Variants in CYBC1 observed in about 807,000 individuals in gnomAD.
The protein encoded by CYBC1 is essential for reactive oxygen species protein.
CYBC1 carries 22 observed loss-of-function variants against 21.7 expected under a neutral mutation model. The ratio of observed to expected loss-of-function variants is 1.02; its 90% confidence interval spans 0.73 to 1.45. The LOEUF (loss-of-function observed/expected upper bound fraction) is 1.45, where lower values mean the gene tolerates loss of function less well. CYBC1 is among the 40% of genes most tolerant of loss of function. The probability of loss-of-function intolerance (pLI) is 0.00; values close to 1 mark genes in which losing one functional copy is unlikely to be tolerated. For synonymous variants in CYBC1, 112 were observed against 98.7 expected, an observed-to-expected ratio of 1.13 and a Z score of -0.80; for missense variants, 237 against 242.1, an observed-to-expected ratio of 0.98 and a Z score of 0.14.
In CYBC1 at chr17:82,447,571, G is replaced by A; in HGVS notation, c.127+9C>T. ...CAGTCATGGGGGGGTGGGGCGGGGG[G>A]TGCTTTACCTCCGCTGTAGTAGGCA... is the stretch of plus-strand genomic sequence containing the variant. On this transcript the variant is annotated intron_variant, in intron 3 of 6. Coordinates refer to ENST00000306645, the MANE Select transcript of CYBC1 (RefSeq NM_001033046.4). 1 of 1,594,880 alleles carries A rather than the reference G, an allele frequency of 6.3e-7. No homozygotes were observed.
chr17:82,444,298 T>G, intron 6 of CYBC1, 149 bp downstream of exon 6: 1 of 1,429,838 alleles, frequency 7.0e-7, no homozygotes, highest in Non-Finnish European at 9.4e-7. Context: ...GGGCTGCCCC[T>G]GAGCCTGCAC....
At chr17:82,447,125 G>A (rs905374101) in intron 3 of CYBC1, 36 of 286,550 alleles carry the variant, frequency 1.3e-4, no homozygotes, top group Non-Finnish European at 1.8e-4. Context: ...AGGCCGAGGC[G>A]GGCGGATCAC....
chr17:82,448,991 CA>C, intron 2 of CYBC1, 178 bp downstream of exon 2: 1 of 579,032 alleles, frequency 1.7e-6, no homozygotes, highest in East Asian at 3.0e-5. Context: ...ACAAAACAGA[CA>C]TGCATTATCT....
In CYBC1 at chr17:82,443,197, C is replaced by G. The variant is rs2054073146; in HGVS notation, c.*807G>C. On this transcript the variant is annotated 3_prime_UTR_variant, in exon 7 of 7. Transcript: ENST00000306645. This position sits in a 1 kb window ranked among gnomAD's most constrained non-coding sequence, Gnocchi z 6.7. ...AAGTGCTGGGATTACTGGCATGAAC[C>G]ACTGCGCCCGGCTGGAGCTCCCGGT... The G allele has an allele frequency of 3.3e-6, 1 of 301,692 alleles. No individual in the cohort carries two copies. The highest frequency in any genetic ancestry group is 6.6e-6 in the Non-Finnish European group (1 of 152,580). The allele number at this position is 301,692 out of a possible 1,614,324, so 18.7% of individuals were successfully genotyped here. A position where few individuals can be genotyped will look rare whatever the true frequency, so the allele number is the denominator to read the frequency against.
rs752876190 is a variant in CYBC1, at chr17:82,449,232, C to G, written c.23G>C (p.Arg8Pro). MYLQVET[R>P]TSSRLHLKRA... ...CTTCAGATGGAGGCGGGAGCTGGTG[C>G]GGGTCTCCACCTGCAGGTACATCCC... The change falls in exon 2 of 7, where the codon CGC becomes CCC. Residue 8 changes from arginine to proline, a missense_variant. Physicochemically the swap from Arg to Pro is moderately radical, Grantham distance 103 (BLOSUM62 -2). Transcript: ENST00000306645. 2 of 1,576,384 alleles carry G rather than the reference C, an allele frequency of 1.3e-6. No individual in the cohort carries two copies. The highest frequency in any genetic ancestry group is 1.9e-5 in the Admixed American group (1 of 53,934).
intron 4 of CYBC1, 90 bp from the exon 5 acceptor site, chr17:82,446,050 GACACTCAAGAA>G: frequency 4.9e-6 from 5 of 1,017,456 alleles, no homozygotes; most frequent in Non-Finnish European, 7.5e-6. Context: ...CACCAGGGTG[GACACTCAAGAA>G]GGGGGGCTGG....
chr17:82,449,409 A>G, intron 1 of CYBC1, 117 bp from the exon 2 acceptor site: 1 of 508,436 alleles, frequency 2.0e-6, no homozygotes, highest in Non-Finnish European at 3.4e-6. Context: ...CTGCAGCCCC[A>G]GACACCATCA....
intron 1 of CYBC1, chr17:82,450,154 C>A (rs1038163229): frequency 6.6e-6 from 1 of 151,966 alleles, no homozygotes; most frequent in Non-Finnish European, 1.5e-5. Flanking sequence ...TGGTGGTGTA[C>A]GCCTGTGGTC....
At chr17:82,444,421 G>A (rs2054154056) in intron 6 of CYBC1, 26 bp downstream of exon 6, 1 of 1,587,240 alleles carries the variant, frequency 6.3e-7, no homozygotes, top group Admixed American at 1.7e-5. Context: ...TGCAGCTCCG[G>A]CCAGATCAAA....
intron 1 of CYBC1, 34 bp downstream of exon 1, chr17:82,450,666 G>A (rs1236517725): frequency 6.6e-6 from 1 of 152,364 alleles, no homozygotes; most frequent in Non-Finnish European, 1.5e-5. Flanking sequence ...GGAGCGGGAA[G>A]GAAGTGCGGA....
In CYBC1 at chr17:82,443,687, G is replaced by A. The variant is rs1234333862; in HGVS notation, c.*317C>T. 1.3e-6 allele frequency: 1 copy of A among 770,158 alleles called. No homozygotes were observed. Among genetic ancestry groups the A allele is most frequent in the Non-Finnish European group, 2.4e-6 (1 of 422,424 alleles). 47.7% of individuals were successfully genotyped at this position (770,158 alleles called of 1,614,324 possible). On this transcript the variant is annotated 3_prime_UTR_variant, in exon 7 of 7. Coordinates refer to ENST00000306645, the MANE Select transcript of CYBC1 (RefSeq NM_001033046.4). This position sits in a 1 kb window ranked among gnomAD's most constrained non-coding sequence, Gnocchi z 6.7. ...AAGTCTGGATGTCCTGGTCTGGCCT[G>A]CTGTTTCATGCAGTGTGCAAGCAGC...
In CYBC1 at chr17:82,443,344, T is replaced by C. The variant is rs117272520; in HGVS notation, c.*660A>G. ...ACGACCGCTGGGGCAGAGTGGTCTA[T>C]GCGCCGAGATCCTGGCATCAGCAAG... On this transcript the variant is annotated 3_prime_UTR_variant, in exon 7 of 7. Coordinates refer to ENST00000306645, the MANE Select transcript of CYBC1 (RefSeq NM_001033046.4). This position sits in a 1 kb window ranked among gnomAD's most constrained non-coding sequence, Gnocchi z 6.7. 12,031 of 434,862 alleles carry C rather than the reference T, an allele frequency of 0.028. 205 individuals carry two copies. The highest frequency in any genetic ancestry group is 0.048 in the Admixed American group (1,424 of 29,484). The allele number at this position is 434,862 out of a possible 1,614,324, so 26.9% of individuals were successfully genotyped here.
In CYBC1 at chr17:82,443,690, G is replaced by GT. The variant is rs2054098280; in HGVS notation, c.*313dup. ...TCTGGATGTCCTGGTCTGGCCTGCT[G>GT]TTTCATGCAGTGTGCAAGCAGCAGC... On this transcript the variant is annotated 3_prime_UTR_variant, in exon 7 of 7. Coordinates refer to ENST00000306645, the MANE Select transcript of CYBC1 (RefSeq NM_001033046.4). This position sits in a 1 kb window ranked among gnomAD's most constrained non-coding sequence, Gnocchi z 6.7. 2 of 770,996 alleles carry GT rather than the reference G, an allele frequency of 2.6e-6. 1 individual carries two copies. Among genetic ancestry groups the GT allele is most frequent in the South Asian group, 2.7e-5 (2 of 74,704 alleles). 47.8% of individuals were successfully genotyped at this position (770,996 alleles called of 1,614,324 possible).
intron 5 of CYBC1, chr17:82,445,593 G>A (rs1185903994): frequency 2.8e-6 from 1 of 360,600 alleles, no homozygotes; most frequent in South Asian, 3.0e-5. Flanking sequence ...CCAGACCCCT[G>A]CTCCTCAGAC....
At position 82,444,119 on chromosome 17, in the gene CYBC1, A is replaced by C; in HGVS notation, c.449T>G (p.Val150Gly). 1 of 1,610,894 alleles carries C rather than the reference A, an allele frequency of 6.2e-7. No homozygotes were observed. Among genetic ancestry groups the C allele is most frequent in the Non-Finnish European group, 8.5e-7 (1 of 1,177,772 alleles). The change falls in exon 7 of 7, where the codon GTG becomes GGG. Residue 150 changes from valine (V) to glycine (G), a missense_variant. By Grantham distance (109) the Val-to-Gly change is moderately radical. Transcript: ENST00000306645. The stretch of plus-strand genomic sequence containing the variant: ...GGTGATGAGCTTGGCGATGGCTTCC[A>C]CATCACTGGGCGAGGCCGGCAACGG... ...QSAVMGHRSDVEAIAKLITSF... is the reference protein window; with the variant it reads ...QSAVMGHRSDGEAIAKLITSF...
At position 82,449,189 on chromosome 17, in the gene CYBC1, C is replaced by T. The variant is rs370077682; in HGVS notation, c.66G>A (p.Arg22=). Reference sequence around the variant, plus strand: ...CCTTACCAACCAGCAGGGACCAGGACCGGATGCCTGGAGCCCTCTTCAGAT... The same window carrying T: ...CCTTACCAACCAGCAGGGACCAGGATCGGATGCCTGGAGCCCTCTTCAGAT... ...RLHLKRAPGI[R]SWSLLVGILS... Residue 22 remains arginine (R), a synonymous_variant, in exon 2 of 7, where the codon CGG becomes CGA. Coordinates refer to ENST00000306645, the MANE Select transcript of CYBC1 (RefSeq NM_001033046.4). 6.8e-5 allele frequency: 107 copies of T among 1,580,578 alleles called. 1 individual carries two copies. The Middle Eastern group carries it at 9.9e-4, about 15-fold the overall frequency.
Position 82,443,549 on chromosome 17 carries a change from G to C in CYBC1, c.*455C>G, listed in dbSNP as rs1245480979. 1.4e-6 allele frequency: 1 copy of C among 701,344 alleles called. No individual in the cohort carries two copies. The allele number at this position is 701,344 out of a possible 1,614,324, so 43.4% of individuals were successfully genotyped here. On this transcript the variant is annotated 3_prime_UTR_variant, in exon 7 of 7. Coordinates refer to ENST00000306645, the MANE Select transcript of CYBC1 (RefSeq NM_001033046.4). The surrounding 1 kb of genome is among the most constrained non-coding windows in gnomAD (Gnocchi z 6.7). Reference sequence around the variant, plus strand: ...GCAGCATCAGCACCCACAAGGGCCCGGCCTGGCCCCGCCTCTCCACTCGCC... The same window carrying C: ...GCAGCATCAGCACCCACAAGGGCCCCGCCTGGCCCCGCCTCTCCACTCGCC...
At position 82,445,974 on chromosome 17, in the gene CYBC1, T is replaced by G; in HGVS notation, c.202-14A>C. 6.2e-7 allele frequency: 1 copy of G among 1,611,008 alleles called. No individual in the cohort carries two copies. The highest frequency in any genetic ancestry group is 8.5e-7 in the Non-Finnish European group (1 of 1,177,946). ...GAAGATGGCTTCCTGGAAACCGACA[T>G]GCACTGACCACCATGAACCTCCAGG... On this transcript the variant is annotated splice_polypyrimidine_tract_variant and intron_variant, in intron 4 of 6. Coordinates refer to ENST00000306645, the MANE Select transcript of CYBC1 (RefSeq NM_001033046.4).
At chr17:82,446,486 C>T (rs2054293651) in intron 4 of CYBC1, 137 bp downstream of exon 4, 7 of 775,356 alleles carry the variant, frequency 9.0e-6, no homozygotes, top group Non-Finnish European at 1.5e-5. Context: ...GAACGGAGAC[C>T]TCCAAGCAGG....
Sources: gnomAD v4.1 joint callset for allele counts on GRCh38, gnomAD v4.1.1 for gene constraint, Gnocchi (gnomAD v3.1) non-coding constraint, MANE v1.5 for transcripts, NCBI Gene and HGNC (gene_info 2026-07-23, HGNC 2026-07-21) for gene names.